PRDM10: variants seen among roughly 807,000 people sequenced by gnomAD.
The protein encoded by PRDM10 is PR/SET domain 10.
A neutral mutation model predicts 133.1 loss-of-function variants in PRDM10; 65 were observed. The observed-to-expected ratio is 0.49, with a 90% CI of 0.40 to 0.60. The LOEUF is 0.60. Ranked by LOEUF, PRDM10 falls within the 20% of genes least tolerant of loss-of-function variation. The pLI is 0.00. For missense variants in PRDM10, 1,137 were observed against 1,507.1 expected (o/e 0.75, Z 4.07); for synonymous variants, 582 against 580.4 (o/e 1.00, Z -0.04).
rs935608745 is a variant in PRDM10, at chr11:129,923,931, A to G, written c.1879-528T>C. Among the ~76,000 whole-genome samples, 2 of 152,250 alleles carry G rather than the reference A, an allele frequency of 1.3e-5. No homozygotes were observed. The highest frequency in any genetic ancestry group is 2.9e-5 in the Non-Finnish European group (2 of 68,042). ...GAATTAAAGACATGAATGAGTGGAT[A>G]CAGAAGACATTACCGGTTTGTGAGA... On this transcript the variant is annotated intron_variant, in intron 12 of 20. Transcript: ENST00000360871. This position sits in a 1 kb window ranked among gnomAD's most constrained non-coding sequence, Gnocchi z 4.4.
At position 129,932,196 on chromosome 11, in the gene PRDM10, C is replaced by A; in HGVS notation, c.1193G>T (p.Arg398Leu). The A allele has an allele frequency of 6.2e-7, 1 of 1,614,082 alleles. No individual in the cohort carries two copies. Among genetic ancestry groups the A allele is most frequent in the East Asian group, 2.2e-5 (1 of 44,880 alleles). The change falls in exon 10 of 21, where the codon CGA becomes CTA. Residue 398 changes from arginine (R) to leucine (L), a missense_variant. Arg to Leu is a moderately radical substitution (Grantham distance 102). Transcript: ENST00000360871. ...CCCCGGCCGTCGACCTGGACCGAATCGCCTCTTGCCTCGTCCCCTTCCTCT... is the reference window on the plus strand; with the variant it reads ...CCCCGGCCGTCGACCTGGACCGAATAGCCTCTTGCCTCGTCCCCTTCCTCT... The part of the protein sequence containing the change: ...RGRGRGRGKR[R>L]FGPGRRPGRP...
intron 1 of PRDM10, among the ~76,000 whole-genome samples, chr11:130,001,758 G>A (rs1397452779): frequency 6.6e-6 from 1 of 152,160 alleles, no homozygotes; most frequent in Non-Finnish European, 1.5e-5. Context: ...ACAAAAGCTG[G>A]CGAGGGGCTG....
Position 129,914,875 on chromosome 11 carries a change from C to T in PRDM10, c.2670G>A (p.Val890=). The change falls in exon 17 of 21, where the codon GTG becomes GTA. Residue 890 remains valine, a synonymous_variant. Transcript: ENST00000360871. ...TTDSATGETV[V]TTDLLTQAMT... ...TTGCTTGGGTGAGCAGGTCCGTCGTCACCACAGTCTCTCCAGTGGCGCTGT... is the reference window on the plus strand; with the variant it reads ...TTGCTTGGGTGAGCAGGTCCGTCGTTACCACAGTCTCTCCAGTGGCGCTGT... The T allele has an allele frequency of 1.2e-6, 2 of 1,614,160 alleles. No homozygotes were observed. The highest frequency in any genetic ancestry group is 1.7e-6 in the Non-Finnish European group (2 of 1,180,024).
At chr11:129,931,629 G>C (rs1335821702) in intron 10 of PRDM10, among the ~76,000 whole-genome samples, 1 of 150,674 alleles carries the variant, frequency 6.6e-6, no homozygotes, top group African/African-American at 2.4e-5. Context: ...GTGCAGTGGC[G>C]CGATCTCGAC....
rs74759622 is a variant in PRDM10, at chr11:129,955,554, G to C, written c.252C>G (p.Pro84=). 16 of 1,613,924 alleles carry C rather than the reference G, an allele frequency of 9.9e-6. No individual in the cohort carries two copies. In the African/African-American group the frequency reaches 2.1e-4, roughly 22 times the overall value. ...VEAAQTLFTD[P]GQVAYVQQDA... ...CCTGTTGGACATAAGCTACCTGGCC[G>C]GGGTCTGTAAACAGAGTCTAAACAA... Residue 84 remains proline, a synonymous_variant, in exon 4 of 21, where the codon CCC becomes CCG. Coordinates refer to ENST00000360871, the MANE Select transcript of PRDM10 (RefSeq NM_199437.2).
chr11:129,923,947 G>A lies in PRDM10; in HGVS notation c.1879-544C>T, dbSNP rs1420158163. Among the ~76,000 whole-genome samples, 1 of 152,224 alleles carries A rather than the reference G, an allele frequency of 6.6e-6. No homozygotes were observed. ...TGAGTGGATACAGAAGACATTACCG[G>A]TTTGTGAGAGCAATATGACGCTGGC... On this transcript the variant is annotated intron_variant, in intron 12 of 20. Coordinates refer to ENST00000360871, the MANE Select transcript of PRDM10 (RefSeq NM_199437.2). The surrounding 1 kb of genome is among the most constrained non-coding windows in gnomAD (Gnocchi z 4.4).
chr11:129,975,425 C>CAA (rs879751419), intron 1 of PRDM10, among the ~76,000 whole-genome samples: 1 of 138,348 alleles, frequency 7.2e-6, no homozygotes, highest in Non-Finnish European at 1.6e-5. Flanking sequence ...ATCTCCATCT[C>CAA]AAAAAAAAAA....
At chr11:129,940,261 AT>A (rs1951164817) in intron 7 of PRDM10, among the ~76,000 whole-genome samples, 1 of 152,228 alleles carries the variant, frequency 6.6e-6, no homozygotes, top group African/African-American at 2.4e-5. Flanking sequence ...GGTGCATAAA[AT>A]AATAGTGCAT....
intron 1 of PRDM10, among the ~76,000 whole-genome samples, chr11:129,976,142 C>T (rs368346682): frequency 2.6e-5 from 4 of 152,154 alleles, no homozygotes; most frequent in South Asian, 2.1e-4. Context: ...GTGGACTATT[C>T]CAGCTGCTCC....
chr11:129,925,342 A>G, intron 11 of PRDM10, 113 bp from the exon 12 acceptor site: 1 of 1,013,590 alleles, frequency 9.9e-7, no homozygotes, highest in Non-Finnish European at 1.4e-6. Flanking sequence ...TTCCCATAGA[A>G]GTTCAACTCT....
chr11:129,943,767 G>T (rs937138353), intron 6 of PRDM10, among the ~76,000 whole-genome samples: 1 of 152,094 alleles, frequency 6.6e-6, no homozygotes, highest in African/African-American at 2.4e-5. Flanking sequence ...GGCTGAGGTG[G>T]GTGGATCACG....
chr11:129,942,744 C>G, intron 6 of PRDM10, 115 bp from the exon 7 acceptor site: 1 of 935,520 alleles, frequency 1.1e-6, no homozygotes, highest in South Asian at 1.7e-5. Context: ...CATCCTGGCT[C>G]TTTCCTTTGT....
chr11:129,963,650 T>A (rs1289987240), intron 1 of PRDM10, among the ~76,000 whole-genome samples: 1 of 152,152 alleles, frequency 6.6e-6, no homozygotes, highest in Non-Finnish European at 1.5e-5. Flanking sequence ...TTTTCTCACT[T>A]GAACCATTTG....
At position 129,947,598 on chromosome 11, in the gene PRDM10, C is replaced by T. The variant is rs1321389516; in HGVS notation, c.295-228G>A. Reference sequence around the variant, plus strand: ...TTAAGCCTCTGCCCTCCCTCTGCCCCTTCTGTCCCACACCTGGGAGGGCTG... The same window carrying T: ...TTAAGCCTCTGCCCTCCCTCTGCCCTTTCTGTCCCACACCTGGGAGGGCTG... On this transcript the variant is annotated intron_variant, in intron 4 of 20. Transcript: ENST00000360871. This position sits in a 1 kb window ranked among gnomAD's most constrained non-coding sequence, Gnocchi z 4.6. 2 of 1,392,326 alleles carry T rather than the reference C, an allele frequency of 1.4e-6. No individual in the cohort carries two copies. Among genetic ancestry groups the T allele is most frequent in the African/African-American group, 1.5e-5 (1 of 68,832 alleles). 86.2% of individuals were successfully genotyped at this position (1,392,326 alleles called of 1,614,324 possible).
In PRDM10 at chr11:129,944,780, A is replaced by G; in HGVS notation, c.753T>C (p.Ile251=). The change falls in exon 6 of 21, where the codon ATT becomes ATC. Residue 251 remains isoleucine (I), a synonymous_variant. Coordinates refer to ENST00000360871, the MANE Select transcript of PRDM10 (RefSeq NM_199437.2). ...VRGSELKDCY[I]HLKVSLDKGD... is the part of the protein sequence containing the mutation. ...ATAGAGCATAAATTACCTTGAGGTG[A>G]ATGTAACAGTCTTTCAGCTCCGAGC... 4.3e-6 allele frequency: 7 copies of G among 1,613,786 alleles called. No individual in the cohort carries two copies. The highest frequency in any genetic ancestry group is 5.9e-6 in the Non-Finnish European group (7 of 1,179,942).
At chr11:129,913,795 A>C (rs1950266076) in intron 17 of PRDM10, among the ~76,000 whole-genome samples, 1 of 152,214 alleles carries the variant, frequency 6.6e-6, no homozygotes, top group Non-Finnish European at 1.5e-5. Context: ...TGTTAGTTTT[A>C]AATTTTCAGA....
At chr11:129,941,150 G>A (rs1591636428) in intron 7 of PRDM10, among the ~76,000 whole-genome samples, 1 of 152,128 alleles carries the variant, frequency 6.6e-6, no homozygotes. Context: ...CTCAAAAGAG[G>A]TATCCATTTC....
In PRDM10 at chr11:129,923,515, A is replaced by C; in HGVS notation, c.1879-112T>G. The C allele has an allele frequency of 8.5e-7, 1 of 1,177,046 alleles. No individual in the cohort carries two copies. The highest frequency in any genetic ancestry group is 1.2e-6 in the Non-Finnish European group (1 of 864,534). 72.9% of individuals were successfully genotyped at this position (1,177,046 alleles called of 1,614,324 possible). Reference sequence around the variant, plus strand: ...AAACGCATTACCATGGGTTTTCATCAACCCCGCCGAGGAATCCAATCAGAT... The same window carrying C: ...AAACGCATTACCATGGGTTTTCATCCACCCCGCCGAGGAATCCAATCAGAT... On this transcript the variant is annotated intron_variant, in intron 12 of 20. Coordinates refer to ENST00000360871, the MANE Select transcript of PRDM10 (RefSeq NM_199437.2). The surrounding 1 kb of genome is among the most constrained non-coding windows in gnomAD (Gnocchi z 4.4).
In PRDM10 at chr11:129,944,786, A is replaced by G. The variant is rs1406872009; in HGVS notation, c.747T>C (p.Cys249=). The G allele has an allele frequency of 6.2e-7, 1 of 1,613,680 alleles. No homozygotes were observed. Among genetic ancestry groups the G allele is most frequent in the Admixed American group, 1.7e-5 (1 of 59,858 alleles). The change falls in exon 6 of 21, where the codon TGT becomes TGC. Residue 249 remains cysteine (C), a synonymous_variant. Transcript: ENST00000360871. ...CATAAATTACCTTGAGGTGAATGTA[A>G]CAGTCTTTCAGCTCCGAGCCCCTGA... is the stretch of plus-strand genomic sequence containing the variant. The part of the protein sequence containing the change: ...PLVRGSELKD[C]YIHLKVSLDK...
Sources: gnomAD v4.1 joint callset for allele counts (sites outside exome capture counted in the v4.1 genomes callset) on GRCh38, gnomAD v4.1.1 for gene constraint, Gnocchi (gnomAD v3.1) non-coding constraint, MANE v1.5 for transcripts, NCBI Gene and HGNC (gene_info 2026-07-23, HGNC 2026-07-21) for gene names.